ATP8B4: variants seen among roughly 807,000 people sequenced by gnomAD.
The protein encoded by ATP8B4 is ATPase phospholipid transporting 8B4 (putative).
ATP8B4 carries 133 observed loss-of-function variants against 145.6 expected under a neutral mutation model. The observed-to-expected ratio is 0.91, with a 90% confidence interval of 0.79 to 1.05. ATP8B4 has a LOEUF of 1.05. Among genes scored for constraint, ATP8B4 ranks in the 50% least tolerant of loss-of-function variants. The pLI is 0.00. For synonymous variants in ATP8B4, 507 were observed against 492.9 expected (o/e 1.03, Z -0.38); for missense variants, 1,458 against 1,425.2 (o/e 1.02, Z -0.37).
chr15:50,090,861 T>G (rs1368741219), intron 2 of ATP8B4, among the ~76,000 whole-genome samples: 1 of 152,146 alleles, frequency 6.6e-6, no homozygotes, highest in Non-Finnish European at 1.5e-5. Flanking sequence ...GTACGGGGAT[T>G]ACAGGTATGA....
At chr15:49,969,802 G>T (rs536048112) in intron 13 of ATP8B4, among the ~76,000 whole-genome samples, 1 of 152,078 alleles carries the variant, frequency 6.6e-6, no homozygotes, top group Admixed American at 6.6e-5. Context: ...TACCAAAACT[G>T]GGAAGAGACA....
chr15:50,124,975 C>A (rs933881172), intron 1 of ATP8B4, among the ~76,000 whole-genome samples: 1 of 152,210 alleles, frequency 6.6e-6, no homozygotes, highest in East Asian at 1.9e-4. Flanking sequence ...AAAACTGGAT[C>A]CTGGAATAGG....
At chr15:50,116,093 A>G (rs2057152974) in intron 1 of ATP8B4, among the ~76,000 whole-genome samples, 1 of 152,098 alleles carries the variant, frequency 6.6e-6, no homozygotes, top group African/African-American at 2.4e-5. Context: ...AATTCTAGAA[A>G]TGTTTCCATA....
At position 50,002,209 on chromosome 15, in the gene ATP8B4, G is replaced by A. The variant is rs199794940; in HGVS notation, c.450C>T (p.Leu150=). 18 of 1,610,016 alleles carry A rather than the reference G, an allele frequency of 1.1e-5. No homozygotes were observed. The East Asian group carries it at 3.6e-4, about 32-fold the overall frequency. ...NNQFVAADLL[L]LSSSEPHGLC... ...GACCATGTGGCTCACTACTTGATAG[G>A]AGAAGTAAATCAGCCTATTTTCAAA... Residue 150 remains leucine, a synonymous_variant, in exon 8 of 28, where the codon CTC becomes CTT. Coordinates refer to ENST00000284509, the MANE Select transcript of ATP8B4 (RefSeq NM_024837.4).
intron 6 of ATP8B4, among the ~76,000 whole-genome samples, chr15:50,028,475 G>T (rs527295933): frequency 1.3e-5 from 2 of 152,246 alleles, no homozygotes; most frequent in Non-Finnish European, 2.9e-5. Flanking sequence ...ACCAGGCATT[G>T]TTTCATCTGC....
At chr15:49,968,863 C>G (rs1337959828) in intron 13 of ATP8B4, among the ~76,000 whole-genome samples, 1 of 152,176 alleles carries the variant, frequency 6.6e-6, no homozygotes, top group Non-Finnish European at 1.5e-5. Flanking sequence ...AACCTGACCA[C>G]ATAATTGGAA....
chr15:50,125,869 G>T (rs2057303861), intron 1 of ATP8B4, among the ~76,000 whole-genome samples: 1 of 152,144 alleles, frequency 6.6e-6, no homozygotes, highest in African/African-American at 2.4e-5. Flanking sequence ...TGTAACTGCT[G>T]CTACAGCTTG....
intron 6 of ATP8B4, among the ~76,000 whole-genome samples, chr15:50,026,201 G>A (rs761511736): frequency 2.6e-5 from 4 of 152,116 alleles, no homozygotes; most frequent in Non-Finnish European, 1.5e-5. Context: ...TTTATCAGGT[G>A]GAGTCACTGA....
chr15:49,876,888 C>G (rs1439238474), intron 24 of ATP8B4, among the ~76,000 whole-genome samples: 1 of 152,196 alleles, frequency 6.6e-6, no homozygotes, highest in Non-Finnish European at 1.5e-5. Flanking sequence ...TCCAGCACAT[C>G]ATGTGCAGCC....
At chr15:50,047,587 A>T (rs1242299454) in intron 3 of ATP8B4, 123 bp from the exon 4 acceptor site, 2 of 673,794 alleles carry the variant, frequency 3.0e-6, no homozygotes, top group Non-Finnish European at 5.2e-6. Flanking sequence ...GGAAATTTCA[A>T]CTCTGTGTGG....
chr15:50,170,370 A>G (rs1377667807), intron 1 of ATP8B4, among the ~76,000 whole-genome samples: 1 of 152,218 alleles, frequency 6.6e-6, no homozygotes, highest in African/African-American at 2.4e-5. Flanking sequence ...ACTTATCTTC[A>G]GACTCCTCAA....
chr15:50,076,370 T>C (rs964510716), intron 2 of ATP8B4, among the ~76,000 whole-genome samples: 5 of 152,096 alleles, frequency 3.3e-5, no homozygotes, highest in Admixed American at 6.5e-5. Context: ...CACATGCCTA[T>C]AGTCCCAGCT....
intron 20 of ATP8B4, among the ~76,000 whole-genome samples, chr15:49,913,823 G>A (rs1412195028): frequency 1.3e-5 from 2 of 152,132 alleles, no homozygotes; most frequent in Non-Finnish European, 2.9e-5. Flanking sequence ...CCAAGGAGGT[G>A]AAAAACCTCC....
chr15:50,175,584 A>G (rs556392540), intron 1 of ATP8B4, among the ~76,000 whole-genome samples: 1 of 152,344 alleles, frequency 6.6e-6, no homozygotes, highest in African/African-American at 2.4e-5. Context: ...ATGGTCAACA[A>G]GCATATTAAA....
chr15:49,939,875 T>A (rs80216580), intron 14 of ATP8B4, among the ~76,000 whole-genome samples: 24,972 of 152,048 alleles, frequency 0.16, 2,473 homozygotes, highest in East Asian at 0.38. Context: ...CCAGTCAGAA[T>A]GGCATTAGAA....
intron 6 of ATP8B4, among the ~76,000 whole-genome samples, chr15:50,015,983 T>G (rs2049059520): frequency 6.6e-6 from 1 of 152,202 alleles, no homozygotes; most frequent in Non-Finnish European, 1.5e-5. Context: ...GATGTAGTGC[T>G]ATAGCATGGA....
intron 1 of ATP8B4, among the ~76,000 whole-genome samples, chr15:50,176,451 A>C (rs901095373): frequency 1.3e-5 from 2 of 152,080 alleles, no homozygotes; most frequent in Non-Finnish European, 2.9e-5. Flanking sequence ...CCAAAATCTC[A>C]CAAATCACCA....
intron 10 of ATP8B4, among the ~76,000 whole-genome samples, chr15:49,985,145 G>A (rs533375451): frequency 3.4e-4 from 52 of 151,138 alleles, no homozygotes; most frequent in African/African-American, 1.2e-3. Context: ...CACCCAGGCT[G>A]GAGTGCAGTG....
intron 2 of ATP8B4, among the ~76,000 whole-genome samples, chr15:50,094,824 A>G (rs955121332): frequency 6.6e-6 from 1 of 151,730 alleles, no homozygotes; most frequent in African/African-American, 2.4e-5. Context: ...CACCTGACTC[A>G]AGACCCTTTC....
Sources: allele counts gnomAD v4.1 joint callset (sites outside exome capture counted in the v4.1 genomes callset), GRCh38; gene constraint gnomAD v4.1.1; transcripts MANE v1.5; gene names NCBI Gene and HGNC (gene_info 2026-07-23, HGNC 2026-07-21).